GLIS3: variants seen among roughly 807,000 people sequenced by gnomAD.
The protein encoded by GLIS3 is zinc finger protein GLIS3.
Under a neutral mutation model 78.6 loss-of-function variants are expected in GLIS3, and 53 were observed. That is an observed-to-expected ratio of 0.67 (90% CI 0.54 to 0.85). The LOEUF is 0.85. GLIS3 is among the 40% of genes least tolerant of loss of function. The pLI, the probability that GLIS3 is intolerant of heterozygous loss-of-function variation, is 0.00. For synonymous variants in GLIS3, 684 were observed against 509.9 expected (o/e 1.34, Z -4.60); for missense variants, 1,703 against 1,231.1 (o/e 1.38, Z -5.74).
chr9:3,887,977 T>C (rs1390307494), intron 7 of GLIS3, among the ~76,000 whole-genome samples: 1 of 152,124 alleles, frequency 6.6e-6, no homozygotes, highest in African/African-American at 2.4e-5. Flanking sequence ...CCTCCCAACC[T>C]ACCTGCTACT....
At chr9:4,311,769 G>A (rs1021609677) in intron 2 of GLIS3, among the ~76,000 whole-genome samples, 3 of 152,218 alleles carry the variant, frequency 2.0e-5, no homozygotes, top group African/African-American at 4.8e-5. Flanking sequence ...TTTAAAGACT[G>A]TCAGCAGTGG....
intron 8 of GLIS3, among the ~76,000 whole-genome samples, chr9:3,857,805 C>T (rs1180849526): frequency 6.6e-6 from 1 of 152,200 alleles, no homozygotes; most frequent in East Asian, 1.9e-4. Context: ...CAAACAAATC[C>T]TGGCACTGCC....
chr9:4,175,048 C>T (rs1228675953), intron 2 of GLIS3, among the ~76,000 whole-genome samples: 2 of 152,184 alleles, frequency 1.3e-5, no homozygotes, highest in East Asian at 3.9e-4. Context: ...GTTTTCTGAG[C>T]TCAGCACTCC....
intron 2 of GLIS3, among the ~76,000 whole-genome samples, chr9:4,197,001 C>T (rs1228684864): frequency 6.6e-6 from 1 of 152,184 alleles, no homozygotes; most frequent in Non-Finnish European, 1.5e-5. Flanking sequence ...GCCTAAGCCA[C>T]CCCACCTTTC....
chr9:4,230,112 G>T (rs931506460), intron 2 of GLIS3, among the ~76,000 whole-genome samples: 2 of 152,342 alleles, frequency 1.3e-5, no homozygotes, highest in Non-Finnish European at 2.9e-5. Context: ...TATAGGTCAG[G>T]TCAAGTCAGT....
chr9:4,407,701 G>C, the GLIS3 span, among the ~76,000 whole-genome samples: 1 of 152,064 alleles, frequency 6.6e-6, no homozygotes, highest in Non-Finnish European at 1.5e-5. Context: ...CCAGAACATT[G>C]GTCTGGGCAA....
At chr9:4,219,171 A>C (rs917105830) in intron 2 of GLIS3, among the ~76,000 whole-genome samples, 8 of 152,250 alleles carry the variant, frequency 5.3e-5, no homozygotes, top group African/African-American at 1.9e-4. Flanking sequence ...ACATGCCAGT[A>C]GGTTGTCCTG....
At chr9:4,088,837 T>A (rs1829257966) in intron 4 of GLIS3, among the ~76,000 whole-genome samples, 1 of 152,256 alleles carries the variant, frequency 6.6e-6, no homozygotes, top group Non-Finnish European at 1.5e-5. Context: ...GGATATTTCT[T>A]TTCAAAAGTT....
intron 2 of GLIS3, among the ~76,000 whole-genome samples, chr9:4,146,147 G>A (rs542583290): frequency 6.6e-6 from 1 of 152,290 alleles, no homozygotes; most frequent in African/African-American, 2.4e-5. Context: ...TTTAGTGCAA[G>A]AAGCTACCCA....
intron 4 of GLIS3, among the ~76,000 whole-genome samples, chr9:4,006,527 G>C (rs981807762): frequency 6.6e-5 from 10 of 152,128 alleles, no homozygotes; most frequent in African/African-American, 2.4e-4. Context: ...CTGGTGAGGG[G>C]TGCAGGAAGG....
At chr9:4,266,595 TACACAC>T (rs57746056) in intron 2 of GLIS3, among the ~76,000 whole-genome samples, 27,265 of 148,788 alleles carry the variant, frequency 0.18, 2,564 homozygotes, top group African/African-American at 0.24. Context: ...CATGCGCGTG[TACACAC>T]ACACACACAC....
intron 8 of GLIS3, among the ~76,000 whole-genome samples, chr9:3,865,924 GAT>G (rs1426709068): frequency 1.3e-5 from 2 of 152,182 alleles, no homozygotes; most frequent in African/African-American, 4.8e-5. Context: ...ATAAAAATCT[GAT>G]ATAACAAACA....
At chr9:4,122,785 C>T (rs1444270163) in intron 3 of GLIS3, among the ~76,000 whole-genome samples, 1 of 152,186 alleles carries the variant, frequency 6.6e-6, no homozygotes, top group Non-Finnish European at 1.5e-5. Flanking sequence ...TGTTAGACTG[C>T]TCTATGAAAC....
chr9:4,403,563 A>G, the GLIS3 span, among the ~76,000 whole-genome samples: 1 of 152,212 alleles, frequency 6.6e-6, no homozygotes, highest in South Asian at 2.1e-4. Flanking sequence ...GTCAAAAAGC[A>G]GGGGAACAAA....
At chr9:4,224,964 T>G (rs1340140081) in intron 2 of GLIS3, among the ~76,000 whole-genome samples, 1 of 151,922 alleles carries the variant, frequency 6.6e-6, no homozygotes, top group African/African-American at 2.4e-5. Context: ...ACTACAATAT[T>G]TTTAAACTAT....
At chr9:3,895,403 G>A (rs946390797) in intron 7 of GLIS3, among the ~76,000 whole-genome samples, 2 of 152,152 alleles carry the variant, frequency 1.3e-5, no homozygotes, top group African/African-American at 2.4e-5. Flanking sequence ...TGTTTGTTAG[G>A]TTACAACACT....
Position 4,333,735 on chromosome 9 carries a change from GC to G in GLIS3, n.264+13345del, listed in dbSNP as rs113612580. 4.3e-3 allele frequency among the ~76,000 whole-genome samples: 615 copies of G among 142,208 alleles called. 3 individuals are homozygous for G. Among genetic ancestry groups the G allele is most frequent in the African/African-American group, 0.012 (435 of 37,426 alleles). 93.3% of individuals were successfully genotyped at this position (142,208 alleles called of 152,430 possible). On this transcript the variant is annotated intron_variant and non_coding_transcript_variant, in intron 2 of 4. Transcript: ENST00000471664. ...AGACGTAATTGTGAAGCAATGTGAT[GC>G]CCCCCCCCACCCCCCGCAACTTCAT...
At chr9:4,335,705 C>G (rs543481330) in intron 2 of GLIS3, among the ~76,000 whole-genome samples, 21 of 152,300 alleles carry the variant, frequency 1.4e-4, no homozygotes, top group African/African-American at 4.1e-4. Flanking sequence ...ACATCAGGAT[C>G]TATTTAGACC....
chr9:4,361,418 T>C, the GLIS3 span, among the ~76,000 whole-genome samples: 1 of 152,238 alleles, frequency 6.6e-6, no homozygotes, highest in East Asian at 1.9e-4. Context: ...CCCCTAAAGA[T>C]GCTGTTCCCT....
Sources: allele counts gnomAD v4.1 joint callset (sites outside exome capture counted in the v4.1 genomes callset), GRCh38; gene constraint gnomAD v4.1.1; transcripts MANE v1.5; gene names NCBI Gene and HGNC (gene_info 2026-07-23, HGNC 2026-07-21).